Variants in NUDT3 observed in about 807,000 individuals in gnomAD.
The protein encoded by NUDT3 is nudix hydrolase 3.
A neutral mutation model predicts 23.6 loss-of-function variants in NUDT3; 9 were observed. The observed-to-expected ratio is 0.38, with a 90% CI of 0.23 to 0.66. The LOEUF is 0.66. Ranked by LOEUF, NUDT3 falls within the 30% of genes least tolerant of loss-of-function variation. NUDT3 has a pLI of 0.52. For synonymous variants in NUDT3, 86 were observed against 82.6 expected (o/e 1.04, Z -0.22); for missense variants, 172 against 218.5 (o/e 0.79, Z 1.34).
At chr6:34,345,868 A>C (rs1764360833) in intron 1 of NUDT3, among the ~76,000 whole-genome samples, 1 of 151,952 alleles carries the variant, frequency 6.6e-6, no homozygotes, top group African/African-American at 2.4e-5. Context: ...TCCCGGGTTC[A>C]AGCAATGCTC....
rs1028008848 is a variant in NUDT3, at chr6:34,293,131, T to C, written c.340+320A>G. ...AGGCTGGAGTGCAGTGGCATGATTA[T>C]GGCTCAATGTGACCTCAAACTCCCA... On this transcript the variant is annotated intron_variant, in intron 4 of 4. Transcript: ENST00000607016. 2.6e-5 allele frequency among the ~76,000 whole-genome samples: 4 copies of C among 152,204 alleles called. 1 individual carries two copies. Among genetic ancestry groups the C allele is most frequent in the Non-Finnish European group, 5.9e-5 (4 of 68,024 alleles).
At chr6:34,324,725 T>C (rs781512088) in intron 2 of NUDT3, among the ~76,000 whole-genome samples, 2 of 152,236 alleles carry the variant, frequency 1.3e-5, no homozygotes, top group African/African-American at 4.8e-5. Flanking sequence ...CCATGAATTT[T>C]TGCAAACACC....
chr6:34,298,703 C>A (rs1221344350), intron 2 of NUDT3, among the ~76,000 whole-genome samples: 1 of 152,144 alleles, frequency 6.6e-6, no homozygotes, highest in African/African-American at 2.4e-5. Flanking sequence ...GCCTCAGCCT[C>A]CTGAGTAGCT....
chr6:34,343,571 T>C (rs1764321147), intron 1 of NUDT3, among the ~76,000 whole-genome samples: 1 of 151,428 alleles, frequency 6.6e-6, no homozygotes, highest in Non-Finnish European at 1.5e-5. Flanking sequence ...CATTGGACTG[T>C]CTCAGACCTT....
chr6:34,378,603 C>G (rs1226132692), intron 1 of NUDT3, among the ~76,000 whole-genome samples: 4 of 152,208 alleles, frequency 2.6e-5, no homozygotes, highest in Non-Finnish European at 4.4e-5. Flanking sequence ...ACTATGAGCA[C>G]TCCAGAGGTG....
chr6:34,286,900 C>T lies in NUDT3; in HGVS notation c.*1853G>A, dbSNP rs576362390. 2 of 148,370 alleles carry T rather than the reference C, an allele frequency of 1.3e-5. No individual in the cohort carries two copies. Among genetic ancestry groups the T allele is most frequent in the Non-Finnish European group, 1.5e-5 (1 of 67,598 alleles). 9.2% of individuals were successfully genotyped at this position (148,370 alleles called of 1,614,324 possible). ...CTGCCTCCCAGGTTCAAGCGATTAT[C>T]TCGCCTCAGCCTCCCAAGTAGCTGG... On this transcript the variant is annotated 3_prime_UTR_variant, in exon 5 of 5. Coordinates refer to ENST00000607016, the MANE Select transcript of NUDT3 (RefSeq NM_006703.4).
chr6:34,389,046 T>G (rs1301516489), intron 1 of NUDT3, among the ~76,000 whole-genome samples: 1 of 152,168 alleles, frequency 6.6e-6, no homozygotes, highest in African/African-American at 2.4e-5. Context: ...GATGGGAGGA[T>G]CTCTTGAGCC....
chr6:34,329,289 T>C (rs918158058), intron 2 of NUDT3, among the ~76,000 whole-genome samples: 33 of 151,116 alleles, frequency 2.2e-4, no homozygotes, highest in African/African-American at 7.5e-4. Flanking sequence ...AGAACAACCA[T>C]TTTTTTTTGA....
rs1763344170 is a variant in NUDT3 at position 34,287,057 on chromosome 6, G to A, written c.*1696C>T. 6.6e-6 allele frequency: 1 copy of A among 152,198 alleles called. No individual in the cohort carries two copies. Among genetic ancestry groups the A allele is most frequent in the Non-Finnish European group, 1.5e-5 (1 of 68,078 alleles). 9.4% of individuals were successfully genotyped at this position (152,198 alleles called of 1,614,324 possible). On this transcript the variant is annotated 3_prime_UTR_variant, in exon 5 of 5. Transcript: ENST00000607016. ...GCCTCCCAAAGTGCTGGGATTACAG[G>A]TGTGAGCCACCGTGCCCAGTGAGTA...
At chr6:34,326,249 TTA>T (rs1170313436) in intron 2 of NUDT3, among the ~76,000 whole-genome samples, 1 of 152,240 alleles carries the variant, frequency 6.6e-6, no homozygotes, top group African/African-American at 2.4e-5. Flanking sequence ...CTAGATAATT[TTA>T]GCAAACTACA....
intron 1 of NUDT3, among the ~76,000 whole-genome samples, chr6:34,367,921 G>A (rs1035498053): frequency 1.3e-5 from 2 of 152,212 alleles, no homozygotes; most frequent in East Asian, 1.9e-4. Context: ...GCTGTATCTT[G>A]GCCAGGCGCA....
intron 2 of NUDT3, among the ~76,000 whole-genome samples, chr6:34,310,965 C>T (rs1763761692): frequency 6.6e-6 from 1 of 151,282 alleles, no homozygotes; most frequent in Non-Finnish European, 1.5e-5. Flanking sequence ...AAACTCTCAA[C>T]CTCCAATCAC....
intron 1 of NUDT3, among the ~76,000 whole-genome samples, chr6:34,350,091 A>T (rs1270803532): frequency 6.6e-6 from 1 of 150,582 alleles, no homozygotes; most frequent in Non-Finnish European, 1.5e-5. Context: ...TCCGTCTCAA[A>T]AAAAAAGAAA....
chr6:34,361,097 C>G (rs912620949), intron 1 of NUDT3, among the ~76,000 whole-genome samples: 2 of 152,058 alleles, frequency 1.3e-5, no homozygotes, highest in Non-Finnish European at 2.9e-5. Context: ...GTGGTGTGCA[C>G]TTGCAGTCCC....
intron 2 of NUDT3, among the ~76,000 whole-genome samples, chr6:34,301,149 A>G (rs530492213): frequency 1.4e-4 from 22 of 152,344 alleles, no homozygotes; most frequent in African/African-American, 5.3e-4. Context: ...CTCCCTTGTC[A>G]GTTTACTTGT....
At chr6:34,297,760 A>ATATTTATATATTTTTT (rs1763535832) in intron 2 of NUDT3, among the ~76,000 whole-genome samples, 1 of 53,654 alleles carries the variant, frequency 1.9e-5, no homozygotes, top group Non-Finnish European at 3.1e-5. Flanking sequence ...TATATATATA[A>ATATTTATATATTTTTT]TTTTTTTTTT....
chr6:34,294,689 G>A (rs987585032), intron 3 of NUDT3, among the ~76,000 whole-genome samples: 6 of 150,608 alleles, frequency 4.0e-5, no homozygotes, highest in African/African-American at 1.5e-4. Context: ...TCGCACCATT[G>A]CACTCCAGCC....
intron 1 of NUDT3, among the ~76,000 whole-genome samples, chr6:34,371,887 C>T (rs1187523209): frequency 6.6e-6 from 1 of 152,126 alleles, no homozygotes; most frequent in Non-Finnish European, 1.5e-5. Flanking sequence ...TAATGCTATC[C>T]CTCCCCTAAC....
Position 34,308,474 on chromosome 6 carries a change from A to G in NUDT3, c.211-12789T>C, listed in dbSNP as rs984350187. Among the ~76,000 whole-genome samples, 35 of 152,076 alleles carry G rather than the reference A, an allele frequency of 2.3e-4. 1 individual carries two copies. Among genetic ancestry groups the G allele is most frequent in the Admixed American group, 2.3e-3 (35 of 15,254 alleles). The stretch of plus-strand genomic sequence containing the variant: ...AGATCGTCTCTCAAAAAAAAAAAAA[A>G]AAAATACTGAGACTGTCAGAGTGCA... On this transcript the variant is annotated intron_variant, in intron 2 of 4. Coordinates refer to ENST00000607016, the MANE Select transcript of NUDT3 (RefSeq NM_006703.4).
Sources: gnomAD v4.1 joint callset for allele counts (sites outside exome capture counted in the v4.1 genomes callset) on GRCh38, gnomAD v4.1.1 for gene constraint, MANE v1.5 for transcripts, NCBI Gene and HGNC (gene_info 2026-07-23, HGNC 2026-07-21) for gene names.